SFI1: variants seen among roughly 807,000 people sequenced by gnomAD.
SFI1 encodes protein SFI1 homolog.
A neutral mutation model predicts 207.5 loss-of-function variants in SFI1; 195 were observed. The observed-to-expected ratio is 0.94, with a 90% CI of 0.84 to 1.06. The LOEUF is 1.06. SFI1 is among the 50% of genes least tolerant of loss of function. The pLI, the probability that SFI1 is intolerant of heterozygous loss-of-function variation, is 0.00. For missense variants in SFI1, 1,634 were observed against 1,588.0 expected (o/e 1.03, Z -0.49); for synonymous variants, 630 against 598.9 (o/e 1.05, Z -0.76).
intron 4 of SFI1, among the ~76,000 whole-genome samples, chr22:31,545,925 C>T (rs1007859444): frequency 6.7e-5 from 9 of 134,950 alleles, no homozygotes; most frequent in Non-Finnish European, 1.2e-4. Context: ...CAGGCTCTTA[C>T]TCTTTCGCCC....
intron 2 of SFI1, among the ~76,000 whole-genome samples, chr22:31,514,385 G>A (rs1052811856): frequency 1.3e-5 from 2 of 150,862 alleles, no homozygotes; most frequent in East Asian, 2.0e-4. Flanking sequence ...GCGGGCGCCT[G>A]TAGTCCCAGC....
intron 8 of SFI1, among the ~76,000 whole-genome samples, chr22:31,565,534 A>C (rs76742720): frequency 2.6e-5 from 2 of 75,678 alleles, no homozygotes; most frequent in Non-Finnish European, 5.2e-5. Context: ...CCATCTCTAC[A>C]AAAAAAAAAA....
chr22:31,605,134 T>G (rs955541232), intron 20 of SFI1, 189 bp downstream of exon 20: 1 of 517,098 alleles, frequency 1.9e-6, no homozygotes, highest in African/African-American at 2.0e-5. Context: ...CCCTGCTGTG[T>G]GCAGGGCAGG....
chr22:31,575,108 GT>G, intron 9 of SFI1, 122 bp from the exon 10 acceptor site: 4 of 542,804 alleles, frequency 7.4e-6, no homozygotes, highest in Non-Finnish European at 1.2e-5. Flanking sequence ...GTGTGTGTGT[GT>G]GTGTGTGTGT....
In SFI1 at chr22:31,505,943, T is replaced by C. The variant is rs144413839; in HGVS notation, c.-30-2312T>C. Among the ~76,000 whole-genome samples the C allele has an allele frequency of 7.5e-3, 1,135 of 152,006 alleles. 26 individuals carry two copies. The highest frequency in any genetic ancestry group is 0.025 in the African/African-American group (1,030 of 41,450). On this transcript the variant is annotated intron_variant, in intron 1 of 32. Transcript: ENST00000400288. Reference sequence around the variant, plus strand: ...GCTCATGCCTGTAATCGTAACACTTTGGGAGGCTGAGGTGGGAGGATCACC... The same window carrying C: ...GCTCATGCCTGTAATCGTAACACTTCGGGAGGCTGAGGTGGGAGGATCACC...
Position 31,602,617 on chromosome 22 carries a change from A to C in SFI1, c.1637A>C (p.His546Pro), listed in dbSNP as rs1231394953. Residue 546 changes from histidine (H) to proline (P), a missense_variant, in exon 17 of 33, where the codon CAC becomes CCC. By Grantham distance (77) the His-to-Pro change is moderately conservative. Transcript: ENST00000400288. The part of the protein sequence containing the change: ...NRLAERMAIL[H>P]AERQLLYRSW... ...CCTGTCCTGCCTCAGGCCATCCTTCACGCAGAGCGACAGCTTCTGTATAGG... is the reference window on the plus strand; with the variant it reads ...CCTGTCCTGCCTCAGGCCATCCTTCCCGCAGAGCGACAGCTTCTGTATAGG... The C allele has an allele frequency of 6.2e-7, 1 of 1,613,924 alleles. No homozygotes were observed. The highest frequency in any genetic ancestry group is 8.5e-7 in the Non-Finnish European group (1 of 1,179,994).
intron 8 of SFI1, among the ~76,000 whole-genome samples, chr22:31,572,411 T>G (rs1318369337): frequency 2.0e-5 from 3 of 152,172 alleles, no homozygotes; most frequent in African/African-American, 7.2e-5. Context: ...TACAGTAGGC[T>G]TCCTCTGACT....
intron 6 of SFI1, among the ~76,000 whole-genome samples, chr22:31,556,641 A>G (rs1385728311): frequency 6.6e-6 from 1 of 152,166 alleles, no homozygotes; most frequent in African/African-American, 2.4e-5. Flanking sequence ...TATTCATATC[A>G]TTTCGTCTAA....
At chr22:31,519,734 G>A (rs925269986) in intron 2 of SFI1, among the ~76,000 whole-genome samples, 7 of 151,760 alleles carry the variant, frequency 4.6e-5, no homozygotes, top group African/African-American at 1.2e-4. Flanking sequence ...CACTGCACCC[G>A]GCCTAATTTT....
intron 13 of SFI1, among the ~76,000 whole-genome samples, chr22:31,584,191 C>G (rs1212136607): frequency 6.6e-6 from 1 of 152,104 alleles, no homozygotes; most frequent in Non-Finnish European, 1.5e-5. Context: ...TCTTGGCCAC[C>G]ATAGTCTGAA....
In SFI1 at chr22:31,611,856, A is replaced by T; in HGVS notation, c.2490+16A>T. 6.2e-7 allele frequency: 1 copy of T among 1,613,478 alleles called. No individual in the cohort carries two copies. The highest frequency in any genetic ancestry group is 8.5e-7 in the Non-Finnish European group (1 of 1,179,762). ...GAGACAACAGGTGGGAACCCAGGAG[A>T]TGTCCCCTCTGCACTTCCTTCTCCA... On this transcript the variant is annotated intron_variant, in intron 24 of 32. Coordinates refer to ENST00000400288, the MANE Select transcript of SFI1 (RefSeq NM_001007467.3).
intron 4 of SFI1, among the ~76,000 whole-genome samples, chr22:31,534,811 A>G (rs1445761981): frequency 2.0e-5 from 3 of 149,644 alleles, no homozygotes; most frequent in Non-Finnish European, 4.4e-5. Context: ...ATCTTCTGGC[A>G]TACTTGTGTT....
Position 31,611,175 on chromosome 22 carries a change from G to T in SFI1, c.2287G>T (p.Asp763Tyr), listed in dbSNP as rs761078189. 3 of 1,614,058 alleles carry T rather than the reference G, an allele frequency of 1.9e-6. No homozygotes were observed. The highest frequency in any genetic ancestry group is 3.3e-5 in the Admixed American group (2 of 60,008). The change falls in exon 23 of 33, where the codon GAC (aspartate) becomes TAC (tyrosine). Residue 763 changes from aspartate to tyrosine, a missense_variant. Coordinates refer to ENST00000400288, the MANE Select transcript of SFI1 (RefSeq NM_001007467.3). ...CLRTWFQRWW[D>Y]CSRRSAQQRL... ...GCGGACCTGGTTTCAGCGCTGGTGG[G>T]ACTGCAGCCGGAGGTCAGCCCAGCA...
At position 31,602,683 on chromosome 22, in the gene SFI1, A is replaced by G; in HGVS notation, c.1703A>G (p.Gln568Arg). The change falls in exon 17 of 33, where the codon CAG becomes CGG. Residue 568 changes from glutamine to arginine, a missense_variant. Coordinates refer to ENST00000400288, the MANE Select transcript of SFI1 (RefSeq NM_001007467.3). ...MWHQQAAARHQEQEWQTVACA... is the reference protein window; with the variant it reads ...MWHQQAAARHREQEWQTVACA... ...CACCAGCAGGCAGCAGCACGTCACC[A>G]GGAGCAGGAGTGGCAAACAGTGGCC... is the stretch of plus-strand genomic sequence containing the variant. 4 of 1,614,218 alleles carry G rather than the reference A, an allele frequency of 2.5e-6. No homozygotes were observed. The highest frequency in any genetic ancestry group is 3.4e-6 in the Non-Finnish European group (4 of 1,180,046).
chr22:31,612,394 A>ATATATATAT (rs1367477107), intron 24 of SFI1: 2 of 107,346 alleles, frequency 1.9e-5, no homozygotes, highest in Admixed American at 9.8e-5. Flanking sequence ...AAAAAAAAAA[A>ATATATATAT]AAAAATATAT....
At chr22:31,519,479 C>T (rs1383547584) in intron 2 of SFI1, among the ~76,000 whole-genome samples, 2 of 151,794 alleles carry the variant, frequency 1.3e-5, no homozygotes, top group Non-Finnish European at 2.9e-5. Flanking sequence ...CTCTCCCGCC[C>T]AGGCTGGAGT....
intron 15 of SFI1, among the ~76,000 whole-genome samples, chr22:31,593,364 C>T (rs1345190320): frequency 7.2e-6 from 1 of 138,946 alleles, no homozygotes; most frequent in Non-Finnish European, 1.6e-5. Context: ...GATGGGACGG[C>T]GGGGCAGAGG....
At chr22:31,513,849 G>T (rs1464154614) in intron 2 of SFI1, among the ~76,000 whole-genome samples, 1 of 100,420 alleles carries the variant, frequency 1.0e-5, no homozygotes, top group East Asian at 3.3e-4. Flanking sequence ...AAAGTGCTGG[G>T]ATTACAGGCA....
At chr22:31,604,540 CG>C in intron 19 of SFI1, 136 bp downstream of exon 19, 1 of 757,704 alleles carries the variant, frequency 1.3e-6, no homozygotes, top group South Asian at 1.9e-5. Flanking sequence ...GCAGGTGCCC[CG>C]GACAGCGGGC....
Sources: gnomAD v4.1 joint callset for allele counts (sites outside exome capture counted in the v4.1 genomes callset) on GRCh38, gnomAD v4.1.1 for gene constraint, MANE v1.5 for transcripts, NCBI Gene and HGNC (gene_info 2026-07-23, HGNC 2026-07-21) for gene names.